RAD51: variants seen among roughly 807,000 people sequenced by gnomAD.
RAD51 encodes the protein RAD51 recombinase.
RAD51 carries 14 observed loss-of-function variants against 41.5 expected under a neutral mutation model. The ratio of observed to expected loss-of-function variants is 0.34; its 90% CI spans 0.22 to 0.53. The LOEUF is 0.53. Among genes scored for constraint, RAD51 ranks in the 20% least tolerant of loss-of-function variants. The pLI is 0.95. For synonymous variants in RAD51, 136 were observed against 148.6 expected, an observed-to-expected ratio of 0.92 and a Z score of 0.62; for missense variants, 234 against 422.0, an observed-to-expected ratio of 0.55 and a Z score of 3.90.
At chr15:40,726,146 A>G (rs1896569258) in intron 6 of RAD51, among the ~76,000 whole-genome samples, 1 of 152,192 alleles carries the variant, frequency 6.6e-6, no homozygotes, top group Non-Finnish European at 1.5e-5. Context: ...TTTCAAACTT[A>G]TATGTTAAGA....
chr15:40,725,860 C>T (rs1896552286), intron 6 of RAD51, among the ~76,000 whole-genome samples: 2 of 152,080 alleles, frequency 1.3e-5, no homozygotes, highest in African/African-American at 4.8e-5. Flanking sequence ...TTAGCGGGCA[C>T]CTGTAATCCC....
intron 6 of RAD51, among the ~76,000 whole-genome samples, chr15:40,719,578 A>T (rs1046650729): frequency 6.6e-6 from 1 of 151,426 alleles, no homozygotes; most frequent in Non-Finnish European, 1.5e-5. Context: ...CACGCCTGTA[A>T]TCCCAACACT....
At chr15:40,697,093 TA>T (rs1894688518) in intron 1 of RAD51, among the ~76,000 whole-genome samples, 1 of 152,194 alleles carries the variant, frequency 6.6e-6, no homozygotes, top group South Asian at 2.1e-4. Flanking sequence ...TTTTATTATT[TA>T]TTTATTTATT....
chr15:40,706,239 G>A lies in RAD51; in HGVS notation c.288G>A (p.Arg96=), dbSNP rs770504390. 1.2e-5 allele frequency: 20 copies of A among 1,614,154 alleles called. No individual in the cohort carries two copies. The South Asian group carries it at 1.9e-4, about 15-fold the overall frequency. ...FTTATEFHQR[R]SEIIQITTGS... is the part of the protein sequence containing the mutation. ...CTGCAACTGAATTCCACCAAAGGCG[G>A]TCAGAGATCATACAGATTACTACTG... Residue 96 remains arginine (R), a synonymous_variant, in exon 4 of 10, where the codon CGG becomes CGA. Transcript: ENST00000267868.
rs1425134588 is a variant in RAD51, at chr15:40,731,855, G to C, written c.*677G>C. Reference sequence around the variant, plus strand: ...GCACTTTGGGAGGCCGAGGCAGGTGGATCGCTTGAGCCCAGGAGTTTTAAG... The same window carrying C: ...GCACTTTGGGAGGCCGAGGCAGGTGCATCGCTTGAGCCCAGGAGTTTTAAG... On this transcript the variant is annotated 3_prime_UTR_variant, in exon 10 of 10. Transcript: ENST00000267868. The C allele has an allele frequency of 4.7e-6, 1 of 212,144 alleles. No homozygotes were observed. The highest frequency in any genetic ancestry group is 2.3e-5 in the African/African-American group (1 of 44,260). 13.1% of individuals were successfully genotyped at this position (212,144 alleles called of 1,614,324 possible).
intron 6 of RAD51, among the ~76,000 whole-genome samples, chr15:40,727,600 G>A (rs1896650648): frequency 6.6e-6 from 1 of 152,100 alleles, no homozygotes; most frequent in African/African-American, 2.4e-5. Flanking sequence ...ACAGGTGTGA[G>A]CCACTGCGCC....
chr15:40,726,868 G>A (rs1596021729), intron 6 of RAD51, among the ~76,000 whole-genome samples: 2 of 150,204 alleles, frequency 1.3e-5, no homozygotes, highest in South Asian at 2.1e-4. Context: ...AGCCGAGATC[G>A]TGCCACTGCA....
chr15:40,715,137 C>T (rs565548207), intron 5 of RAD51, among the ~76,000 whole-genome samples: 6 of 152,298 alleles, frequency 3.9e-5, no homozygotes, highest in Admixed American at 2.0e-4. Context: ...GTGGATGGAT[C>T]ACAAGGTCAG....
intron 6 of RAD51, among the ~76,000 whole-genome samples, chr15:40,719,831 C>G (rs960565642): frequency 1.4e-5 from 2 of 146,750 alleles, no homozygotes; most frequent in Non-Finnish European, 3.0e-5. Flanking sequence ...GAATCCGTCT[C>G]AAAAAAAAAA....
chr15:40,714,585 A>G (rs529292029), intron 5 of RAD51, among the ~76,000 whole-genome samples: 2 of 152,382 alleles, frequency 1.3e-5, no homozygotes, highest in East Asian at 1.9e-4. Context: ...ACATTTACAG[A>G]TGGCTGAACA....
chr15:40,708,083 A>T (rs1895469162), intron 4 of RAD51, among the ~76,000 whole-genome samples: 1 of 134,134 alleles, frequency 7.5e-6, no homozygotes. Flanking sequence ...CAGTGGCATG[A>T]TCTTGGCTCA....
intron 3 of RAD51, 129 bp downstream of exon 3, chr15:40,701,330 A>G: frequency 1.0e-6 from 1 of 967,610 alleles, no homozygotes; most frequent in East Asian, 2.7e-5. Flanking sequence ...GGTGACTGTT[A>G]CCTGTTTCTT....
Position 40,724,889 on chromosome 15 carries a change from ATT to A in RAD51, c.531-3802_531-3801del, listed in dbSNP as rs34086110. On this transcript the variant is annotated intron_variant, in intron 6 of 9. Transcript: ENST00000267868. ...TTTTAATTTTTTTTAATTTTTTTTA[ATT>A]TTTTTTTTTTTTTTTTTTTGAGACA... Among the ~76,000 whole-genome samples, 394 of 55,356 alleles carry A rather than the reference ATT, an allele frequency of 7.1e-3. 4 individuals are homozygous for A. Among genetic ancestry groups the A allele is most frequent in the African/African-American group, 0.026 (312 of 11,882 alleles). The allele number at this position is 55,356 out of a possible 152,430, so 36.3% of individuals were successfully genotyped here.
chr15:40,728,120 A>G (rs1360977691), intron 6 of RAD51, among the ~76,000 whole-genome samples: 2 of 152,122 alleles, frequency 1.3e-5, no homozygotes, highest in African/African-American at 4.8e-5. Flanking sequence ...TCGGCATCCC[A>G]AAGTGCTAGG....
chr15:40,702,525 T>A (rs1186696326), intron 3 of RAD51, among the ~76,000 whole-genome samples: 1 of 152,222 alleles, frequency 6.6e-6, no homozygotes, highest in Non-Finnish European at 1.5e-5. Context: ...TTTTCTGTTT[T>A]TTTTTGAGGC....
chr15:40,708,050 G>A (rs1355741435), intron 4 of RAD51, among the ~76,000 whole-genome samples: 5 of 108,194 alleles, frequency 4.6e-5, no homozygotes, highest in Non-Finnish European at 7.1e-5. Context: ...ATGGGGTCTT[G>A]CTATGTCACC....
At position 40,732,316 on chromosome 15, in the gene RAD51, GGAAAAATAAAA is replaced by G. The variant is rs1896911059; in HGVS notation, c.*1143_*1153del. On this transcript the variant is annotated 3_prime_UTR_variant, in exon 10 of 10. Coordinates refer to ENST00000267868, the MANE Select transcript of RAD51 (RefSeq NM_002875.5). ...CAGATGATTGTGCTTAAAAGCTAATGGAAAAATAAAAGAAAGACATACCATGGGTTGCCTTG... is the reference window on the plus strand; with the variant it reads ...CAGATGATTGTGCTTAAAAGCTAATGGAAAGACATACCATGGGTTGCCTTG... The G allele has an allele frequency of 6.0e-6, 1 of 165,844 alleles. No homozygotes were observed. Among genetic ancestry groups the G allele is most frequent in the Non-Finnish European group, 1.3e-5 (1 of 76,668 alleles). The allele number at this position is 165,844 out of a possible 1,614,324, so 10.3% of individuals were successfully genotyped here.
At chr15:40,724,417 G>T (rs1255340741) in intron 6 of RAD51, among the ~76,000 whole-genome samples, 1 of 152,138 alleles carries the variant, frequency 6.6e-6, no homozygotes, top group African/African-American at 2.4e-5. Flanking sequence ...ATGAGGACAA[G>T]AACTTTGATT....
At chr15:40,701,361 CT>C (rs946965505) in intron 3 of RAD51, among the ~76,000 whole-genome samples, 160 bp downstream of exon 3, 129 of 139,864 alleles carry the variant, frequency 9.2e-4, no homozygotes, top group African/African-American at 3.0e-3. Flanking sequence ...CTTTTCTTTT[CT>C]TTTTTTTTTC....
Sources: gnomAD v4.1 joint callset for allele counts (sites outside exome capture counted in the v4.1 genomes callset) on GRCh38, gnomAD v4.1.1 for gene constraint, MANE v1.5 for transcripts, NCBI Gene and HGNC (gene_info 2026-07-23, HGNC 2026-07-21) for gene names.